Variants in TBL1X observed in about 807,000 individuals in gnomAD.
The protein encoded by TBL1X is transducin beta like 1 X-linked.
A neutral mutation model predicts 50.7 loss-of-function variants in TBL1X; 10 were observed. The ratio of observed to expected loss-of-function variants is 0.20; its 90% confidence interval spans 0.12 to 0.33. The LOEUF (loss-of-function observed/expected upper bound fraction) is 0.33, where lower values mean the gene tolerates loss of function less well. TBL1X is among the 10% of genes least tolerant of loss of function. TBL1X has a pLI of 1.00. For missense variants in TBL1X, 340 were observed against 504.4 expected, an observed-to-expected ratio of 0.67 and a Z score of 3.12; for synonymous variants, 190 against 214.7, an observed-to-expected ratio of 0.88 and a Z score of 1.01.
intron 1 of TBL1X, among the ~76,000 whole-genome samples, chrX:9,482,982 G>A (rs2081891177): frequency 9.0e-6 from 1 of 111,337 alleles, no homozygotes; most frequent in African/African-American, 3.3e-5. Context: ...CAGCCGGCAG[G>A]AAGAACCCCT....
intron 2 of TBL1X, among the ~76,000 whole-genome samples, chrX:9,605,153 C>T (rs73631502): frequency 0.067 from 7,348 of 109,979 alleles, 238 homozygotes; most frequent in Middle Eastern, 0.13. Flanking sequence ...GACACAGGGC[C>T]ACACAGGATC....
chrX:9,689,075 CGT>C (rs1324073964), intron 7 of TBL1X, among the ~76,000 whole-genome samples: 4 of 113,198 alleles, frequency 3.5e-5, no homozygotes, highest in South Asian at 7.0e-4. Flanking sequence ...TGTTCCTGTG[CGT>C]GTGTGTGCAC....
intron 1 of TBL1X, among the ~76,000 whole-genome samples, chrX:9,491,333 TA>T (rs1355329519): frequency 0.03 from 836 of 28,227 alleles, 18 homozygotes; most frequent in African/African-American, 0.11. Flanking sequence ...TATATATATA[TA>T]TATATTTTTT....
chrX:9,673,047 T>G (rs2082969786), intron 5 of TBL1X, among the ~76,000 whole-genome samples: 1 of 111,773 alleles, frequency 8.9e-6, no homozygotes, highest in Admixed American at 9.4e-5. Flanking sequence ...CTCTGGGGTC[T>G]CTTGTATAAG....
intron 5 of TBL1X, among the ~76,000 whole-genome samples, chrX:9,674,608 C>G (rs1293960963): frequency 2.1e-5 from 2 of 93,932 alleles, no homozygotes; most frequent in African/African-American, 8.1e-5. Flanking sequence ...GTTGGCCAGG[C>G]TGGAGTGCAG....
At chrX:9,665,907 G>C (rs2082928181) in intron 5 of TBL1X, among the ~76,000 whole-genome samples, 1 of 110,687 alleles carries the variant, frequency 9.0e-6, no homozygotes, top group Non-Finnish European at 1.9e-5. Context: ...AACTAGGTAG[G>C]AAATATACTT....
intron 2 of TBL1X, among the ~76,000 whole-genome samples, chrX:9,536,992 C>T (rs1054295884): frequency 2.7e-5 from 3 of 111,960 alleles, no homozygotes; most frequent in Non-Finnish European, 3.8e-5. Flanking sequence ...ACCAATCCTT[C>T]TTTTTAAGTC....
chrX:9,517,482 T>A (rs1354433964), intron 2 of TBL1X, among the ~76,000 whole-genome samples: 1 of 111,350 alleles, frequency 9.0e-6, no homozygotes, highest in African/African-American at 3.3e-5. Flanking sequence ...GTGCCCTAGG[T>A]GCATTCAAGC....
chrX:9,566,285 A>G (rs1170516483), intron 2 of TBL1X, among the ~76,000 whole-genome samples: 1 of 111,848 alleles, frequency 8.9e-6, no homozygotes, highest in Non-Finnish European at 1.9e-5. Flanking sequence ...ATCTCTAGAC[A>G]TTGCCCAATG....
At chrX:9,511,514 C>A (rs920209376) in intron 2 of TBL1X, among the ~76,000 whole-genome samples, 4 of 112,310 alleles carry the variant, frequency 3.6e-5, no homozygotes, top group Non-Finnish European at 7.5e-5. Context: ...AGAAAAGATA[C>A]CAGTATTCTG....
chrX:9,561,474 G>C (rs2082324719), intron 2 of TBL1X, among the ~76,000 whole-genome samples: 1 of 111,479 alleles, frequency 9.0e-6, no homozygotes, highest in Non-Finnish European at 1.9e-5. Context: ...AGTCTGAAGA[G>C]TGACATCTGG....
intron 2 of TBL1X, among the ~76,000 whole-genome samples, chrX:9,568,606 G>C (rs2097696500): frequency 9.2e-6 from 1 of 109,260 alleles, no homozygotes; most frequent in South Asian, 4.1e-4. Flanking sequence ...TGCTGTGTGT[G>C]TGTGTGTGTG....
At chrX:9,519,284 G>A (rs750461599) in intron 2 of TBL1X, among the ~76,000 whole-genome samples, 1 of 110,920 alleles carries the variant, frequency 9.0e-6, no homozygotes, top group East Asian at 2.9e-4. Flanking sequence ...TCTTGCTCTG[G>A]TGCCTAGGCT....
At chrX:9,567,939 TC>T (rs1310044707) in intron 2 of TBL1X, among the ~76,000 whole-genome samples, 1 of 111,984 alleles carries the variant, frequency 8.9e-6, no homozygotes, top group Non-Finnish European at 1.9e-5. Flanking sequence ...CCCTGGGACT[TC>T]CAGGCCGTCA....
chrX:9,552,375 G>C (rs148974760), intron 2 of TBL1X, among the ~76,000 whole-genome samples: 755 of 111,682 alleles, frequency 6.8e-3, no homozygotes, highest in Non-Finnish European at 0.011. Flanking sequence ...TGAAATAAGA[G>C]TATAAATTGC....
At chrX:9,626,631 G>A (rs1323204305) in intron 2 of TBL1X, among the ~76,000 whole-genome samples, 2 of 112,444 alleles carry the variant, frequency 1.8e-5, no homozygotes, top group African/African-American at 6.5e-5. Context: ...TTGCTTTCCC[G>A]ATGATTTCAT....
chrX:9,527,662 A>C (rs1291904537), intron 2 of TBL1X, among the ~76,000 whole-genome samples: 1 of 111,314 alleles, frequency 9.0e-6, no homozygotes, highest in East Asian at 2.8e-4. Context: ...TAAACCCTGT[A>C]GTCTCTGGGT....
chrX:9,484,128 C>T (rs1407939493), intron 1 of TBL1X, among the ~76,000 whole-genome samples: 2 of 111,451 alleles, frequency 1.8e-5, no homozygotes, highest in African/African-American at 3.3e-5. Context: ...CCTCAGCCTC[C>T]TGAGTAGTTG....
chrX:9,677,077 T>G (rs16985657), intron 5 of TBL1X, among the ~76,000 whole-genome samples: 1 of 110,251 alleles, frequency 9.1e-6, no homozygotes, highest in Non-Finnish European at 1.9e-5. Context: ...CCATTTGATT[T>G]TTCATCCCGG....
Sources: allele counts gnomAD v4.1 joint callset (sites outside exome capture counted in the v4.1 genomes callset), GRCh38; gene constraint gnomAD v4.1.1; transcripts MANE v1.5; gene names NCBI Gene and HGNC (gene_info 2026-07-23, HGNC 2026-07-21).